RALGAPA2: variants seen among roughly 807,000 people sequenced by gnomAD.
The protein encoded by RALGAPA2 is ral GTPase-activating protein subunit alpha-2.
RALGAPA2 carries 139 observed loss-of-function variants against 230.4 expected under a neutral mutation model. The observed-to-expected ratio is 0.60, with a 90% CI of 0.53 to 0.69. RALGAPA2 has a LOEUF of 0.69. Ranked by LOEUF, RALGAPA2 falls within the 30% of genes least tolerant of loss-of-function variation. The probability of loss-of-function intolerance (pLI) is 0.00; values close to 1 mark genes in which losing one functional copy is unlikely to be tolerated. For missense variants in RALGAPA2, 2,163 were observed against 2,276.0 expected (o/e 0.95, Z 1.01); for synonymous variants, 847 against 837.8 (o/e 1.01, Z -0.19).
At chr20:20,509,716 G>T (rs2062646109) in intron 33 of RALGAPA2, among the ~76,000 whole-genome samples, 1 of 152,128 alleles carries the variant, frequency 6.6e-6, no homozygotes, top group Non-Finnish European at 1.5e-5. Context: ...AAAATGAAAA[G>T]AAAAGAAAAC....
chr20:20,532,233 A>G (rs1033939505), intron 26 of RALGAPA2, among the ~76,000 whole-genome samples: 1 of 152,250 alleles, frequency 6.6e-6, no homozygotes, highest in African/African-American at 2.4e-5. Flanking sequence ...AACAAATGCT[A>G]TATTTTATTT....
chr20:20,672,241 T>C (rs796876298), intron 3 of RALGAPA2, among the ~76,000 whole-genome samples: 1 of 152,186 alleles, frequency 6.6e-6, no homozygotes, highest in African/African-American at 2.4e-5. Context: ...GATTAACAAA[T>C]GTGAAATCTG....
chr20:20,586,147 C>T (rs1293960688), intron 18 of RALGAPA2, among the ~76,000 whole-genome samples: 1 of 152,122 alleles, frequency 6.6e-6, no homozygotes, highest in Non-Finnish European at 1.5e-5. Context: ...CAATACCTCC[C>T]AGCCATAGAA....
At chr20:20,693,773 T>C (rs1246667105) in intron 1 of RALGAPA2, among the ~76,000 whole-genome samples, 1 of 152,088 alleles carries the variant, frequency 6.6e-6, no homozygotes, top group Non-Finnish European at 1.5e-5. Context: ...ACCCAGACAG[T>C]CAGGCTCCCA....
At chr20:20,475,431 AT>A (rs2061629524) in intron 36 of RALGAPA2, among the ~76,000 whole-genome samples, 1 of 152,226 alleles carries the variant, frequency 6.6e-6, no homozygotes, top group Non-Finnish European at 1.5e-5. Context: ...AGTGCAATTT[AT>A]TTTTGCAATG....
At chr20:20,515,367 G>C (rs1394779768) in intron 31 of RALGAPA2, among the ~76,000 whole-genome samples, 1 of 152,206 alleles carries the variant, frequency 6.6e-6, no homozygotes, top group East Asian at 1.9e-4. Flanking sequence ...AGTGTGTAGA[G>C]ATTCACACTG....
chr20:20,588,752 T>C (rs1350879048), intron 18 of RALGAPA2, among the ~76,000 whole-genome samples: 2 of 152,210 alleles, frequency 1.3e-5, no homozygotes, highest in African/African-American at 2.4e-5. Flanking sequence ...TAAGAATATA[T>C]GCTACATTTT....
intron 2 of RALGAPA2, among the ~76,000 whole-genome samples, chr20:20,679,055 T>C (rs1045174830): frequency 6.6e-6 from 1 of 152,152 alleles, no homozygotes; most frequent in African/African-American, 2.4e-5. Flanking sequence ...ACCATCACTC[T>C]CTTTCTCTGT....
chr20:20,483,184 T>C (rs1367292215), intron 36 of RALGAPA2, among the ~76,000 whole-genome samples: 4 of 151,962 alleles, frequency 2.6e-5, no homozygotes, highest in African/African-American at 7.3e-5. Context: ...TAGGAAAGAG[T>C]ACATGTTTTT....
intron 16 of RALGAPA2, among the ~76,000 whole-genome samples, chr20:20,596,060 C>T (rs973226625): frequency 5.3e-5 from 8 of 152,096 alleles, no homozygotes; most frequent in African/African-American, 9.7e-5. Flanking sequence ...ACAAAAAGTG[C>T]CAGTCCTACC....
chr20:20,669,248 C>T (rs2068056876), intron 3 of RALGAPA2, among the ~76,000 whole-genome samples: 1 of 152,174 alleles, frequency 6.6e-6, no homozygotes, highest in African/African-American at 2.4e-5. Flanking sequence ...CCAAACTATT[C>T]TATTTCTCTA....
chr20:20,658,194 T>G (rs545180827), intron 3 of RALGAPA2, among the ~76,000 whole-genome samples: 2 of 152,200 alleles, frequency 1.3e-5, no homozygotes, highest in African/African-American at 4.8e-5. Flanking sequence ...TCTGAGCTAC[T>G]AAGAATATTC....
At chr20:20,568,997 C>A (rs1272652899) in intron 23 of RALGAPA2, among the ~76,000 whole-genome samples, 2 of 152,080 alleles carry the variant, frequency 1.3e-5, no homozygotes, top group African/African-American at 2.4e-5. Flanking sequence ...TAGAAAGAAG[C>A]CCTGAGATGG....
intron 36 of RALGAPA2, among the ~76,000 whole-genome samples, chr20:20,490,157 T>C (rs2062014242): frequency 6.6e-6 from 1 of 152,240 alleles, no homozygotes; most frequent in Non-Finnish European, 1.5e-5. Flanking sequence ...TTCTTTAGTA[T>C]TCTTCAGCAA....
chr20:20,588,008 G>A (rs2065181166), intron 18 of RALGAPA2, among the ~76,000 whole-genome samples: 1 of 147,960 alleles, frequency 6.8e-6, no homozygotes. Context: ...GAAGATGAAT[G>A]GGAGCTCTAC....
chr20:20,550,474 A>G (rs955233200), intron 23 of RALGAPA2, among the ~76,000 whole-genome samples: 4 of 152,194 alleles, frequency 2.6e-5, no homozygotes, highest in African/African-American at 9.7e-5. Flanking sequence ...TGAAAGAATA[A>G]CTTCTCTCAA....
Position 20,571,883 on chromosome 20 carries a change from G to A in RALGAPA2, c.2965C>T (p.Pro989Ser). ...QSSPSPPVLI[P>S]PLRMFASWLF... ...CATGATGCAAACATTCTGAGTGGTG[G>A]GATCAAAACTGGAGGAGATGGAGAA... Residue 989 changes from proline (P) to serine (S), a missense_variant, in exon 22 of 40, where the codon CCA (proline) becomes TCA (serine). Pro to Ser is a moderately conservative substitution (Grantham distance 74). Coordinates refer to ENST00000202677, the MANE Select transcript of RALGAPA2 (RefSeq NM_020343.4). 1 of 1,611,806 alleles carries A rather than the reference G, an allele frequency of 6.2e-7. No individual in the cohort carries two copies. Among genetic ancestry groups the A allele is most frequent in the Non-Finnish European group, 8.5e-7 (1 of 1,178,778 alleles).
chr20:20,421,233 T>C (rs756813444), intron 37 of RALGAPA2, among the ~76,000 whole-genome samples: 1 of 151,954 alleles, frequency 6.6e-6, no homozygotes, highest in Non-Finnish European at 1.5e-5. Flanking sequence ...ATTAGGGAAA[T>C]GGAAATGAAA....
chr20:20,455,389 C>T (rs1262865983), intron 37 of RALGAPA2, among the ~76,000 whole-genome samples: 4 of 152,172 alleles, frequency 2.6e-5, no homozygotes, highest in Admixed American at 6.5e-5. Flanking sequence ...ATAACGTGCA[C>T]GGAAACACTA....
Sources: gnomAD v4.1 joint callset for allele counts (sites outside exome capture counted in the v4.1 genomes callset) on GRCh38, gnomAD v4.1.1 for gene constraint, MANE v1.5 for transcripts, NCBI Gene and HGNC (gene_info 2026-07-23, HGNC 2026-07-21) for gene names.